NHS: variants seen among roughly 807,000 people sequenced by gnomAD.
NHS encodes the protein NHS actin remodeling regulator.
NHS carries 5 observed loss-of-function variants against 72.5 expected under a neutral mutation model. The ratio of observed to expected loss-of-function variants is 0.07; its 90% CI spans 0.04 to 0.14. The LOEUF (loss-of-function observed/expected upper bound fraction) is 0.14. Among genes scored for constraint, NHS ranks in the 10% least tolerant of loss-of-function variants. The pLI, the probability that NHS is intolerant of heterozygous loss-of-function variation, is 1.00. For missense variants in NHS, 1,072 were observed against 1,355.7 expected (o/e 0.79, Z 3.29); for synonymous variants, 464 against 547.7 (o/e 0.85, Z 2.13).
intron 1 of NHS, among the ~76,000 whole-genome samples, chrX:17,420,991 T>G (rs1386372502): frequency 7.2e-5 from 8 of 110,867 alleles, no homozygotes; most frequent in Non-Finnish European, 1.9e-5. Context: ...AGGTGTTACA[T>G]GAAGGGGGCT....
chrX:17,605,718 C>T (rs1436763174), intron 1 of NHS, among the ~76,000 whole-genome samples: 1 of 111,418 alleles, frequency 9.0e-6, no homozygotes, highest in African/African-American at 3.3e-5. Flanking sequence ...GGTCCAACTT[C>T]CTTGCATCTT....
intron 1 of NHS, among the ~76,000 whole-genome samples, chrX:17,645,795 A>T (rs1021351432): frequency 1.8e-5 from 2 of 112,540 alleles, no homozygotes; most frequent in African/African-American, 6.5e-5. Flanking sequence ...GTCAATTTTT[A>T]AAAATATTGT....
chrX:17,424,932 T>C (rs1179436026), intron 1 of NHS, among the ~76,000 whole-genome samples: 1 of 111,365 alleles, frequency 9.0e-6, no homozygotes, highest in Non-Finnish European at 1.9e-5. Context: ...CTTTATCAGA[T>C]GTTGGGGTGG....
chrX:17,485,251 G>A (rs753138456), intron 1 of NHS, among the ~76,000 whole-genome samples: 22 of 112,257 alleles, frequency 2.0e-4, no homozygotes, highest in African/African-American at 6.8e-4. Flanking sequence ...CAAACTAAGC[G>A]AGTATTAGGA....
chrX:17,649,629 T>C (rs144026725), intron 1 of NHS, among the ~76,000 whole-genome samples: 218 of 111,165 alleles, frequency 2.0e-3, no homozygotes, highest in African/African-American at 6.8e-3. Flanking sequence ...TATAGCTTGC[T>C]ATAAATCGAG....
intron 1 of NHS, among the ~76,000 whole-genome samples, chrX:17,584,815 G>A (rs1465852660): frequency 9.0e-6 from 1 of 111,698 alleles, no homozygotes; most frequent in African/African-American, 3.3e-5. Flanking sequence ...AACACTTAAA[G>A]ACGAGAGCTA....
intron 1 of NHS, among the ~76,000 whole-genome samples, chrX:17,549,353 C>G (rs1324853706): frequency 9.1e-6 from 1 of 110,241 alleles, no homozygotes; most frequent in Non-Finnish European, 1.9e-5. Context: ...GTGCTAACTG[C>G]CCCCGTTGTT....
chrX:17,466,043 C>T (rs1413936276), intron 1 of NHS, among the ~76,000 whole-genome samples: 2 of 113,289 alleles, frequency 1.8e-5, no homozygotes, highest in Non-Finnish European at 3.7e-5. Flanking sequence ...CATGCATGTG[C>T]CTTCCTACAA....
chrX:17,429,488 C>A (rs1442668636), intron 1 of NHS, among the ~76,000 whole-genome samples: 1 of 111,432 alleles, frequency 9.0e-6, no homozygotes, highest in Non-Finnish European at 1.9e-5. Context: ...TAATTTAATT[C>A]TGTTTTTTGT....
chrX:17,433,296 AC>A (rs762144740), intron 1 of NHS, among the ~76,000 whole-genome samples: 47 of 96,913 alleles, frequency 4.8e-4, no homozygotes, highest in African/African-American at 1.8e-3. Flanking sequence ...TGATCTGCCC[AC>A]CTCGGCCTCC....
intron 8 of NHS, 82 bp from the exon 9 acceptor site, chrX:17,731,776 G>T (rs2066488438): frequency 8.9e-7 from 1 of 1,118,730 alleles, no homozygotes; most frequent in East Asian, 3.0e-5. Context: ...TTAGACAGAT[G>T]TGTGAATGCG....
chrX:17,697,640 C>T (rs1380684615), intron 3 of NHS, among the ~76,000 whole-genome samples: 1 of 111,612 alleles, frequency 9.0e-6, no homozygotes, highest in Admixed American at 9.5e-5. Flanking sequence ...GGGTAGCATA[C>T]ATTTTAATAC....
intron 1 of NHS, among the ~76,000 whole-genome samples, chrX:17,610,425 C>A: frequency 8.9e-6 from 1 of 112,418 alleles, no homozygotes. Context: ...AAATGTATTA[C>A]TGCACTTTGC....
intron 3 of NHS, among the ~76,000 whole-genome samples, chrX:17,703,311 AAAG>A (rs771701151): frequency 3.6e-5 from 4 of 111,132 alleles, no homozygotes; most frequent in Non-Finnish European, 7.5e-5. Flanking sequence ...AACATAATAA[AAAG>A]AAGAATTGTG....
chrX:17,380,237 G>A (rs1009352907), intron 1 of NHS, among the ~76,000 whole-genome samples: 1 of 111,817 alleles, frequency 8.9e-6, no homozygotes, highest in African/African-American at 3.3e-5. Context: ...GCACTGAGAA[G>A]AGGCTATTGA....
At position 17,701,719 on chromosome X, in the gene NHS, T is replaced by C. The variant is rs762017771; in HGVS notation, c.852+9251T>C. On this transcript the variant is annotated intron_variant, in intron 3 of 8. Coordinates refer to ENST00000676302, the MANE Select transcript of NHS (RefSeq NM_001291867.2). The stretch of plus-strand genomic sequence containing the variant: ...AATATGTGGAGTGAACTGAGGTGGC[T>C]GGTAGATATTTGATATGTGTGTGTG... 1.0e-3 allele frequency among the ~76,000 whole-genome samples: 112 copies of C among 110,740 alleles called. 1 individual carries two copies. Among genetic ancestry groups the C allele is most frequent in the Non-Finnish European group, 1.6e-3 (86 of 52,898 alleles).
intron 3 of NHS, among the ~76,000 whole-genome samples, chrX:17,694,549 G>A (rs1430287219): frequency 8.9e-6 from 1 of 111,955 alleles, no homozygotes; most frequent in Non-Finnish European, 1.9e-5. Context: ...AACTCTGCAG[G>A]CTATTGTACT....
chrX:17,389,913 T>C (rs2064434326), intron 1 of NHS, among the ~76,000 whole-genome samples: 1 of 110,182 alleles, frequency 9.1e-6, no homozygotes, highest in South Asian at 3.9e-4. Flanking sequence ...GTAGGAGCCT[T>C]TTCTACGATA....
At chrX:17,641,833 G>C (rs1395491617) in intron 1 of NHS, among the ~76,000 whole-genome samples, 2 of 111,656 alleles carry the variant, frequency 1.8e-5, no homozygotes, top group African/African-American at 3.3e-5. Context: ...ATGTGGGATG[G>C]AGGAGGTGAC....
Sources: allele counts gnomAD v4.1 joint callset (sites outside exome capture counted in the v4.1 genomes callset), GRCh38; gene constraint gnomAD v4.1.1; transcripts MANE v1.5; gene names NCBI Gene and HGNC (gene_info 2026-07-23, HGNC 2026-07-21).